EVC2: variants seen among roughly 807,000 people sequenced by gnomAD.
EVC2 encodes the protein limbin.
EVC2 carries 148 observed loss-of-function variants against 149.3 expected under a neutral mutation model. The ratio of observed to expected loss-of-function variants is 0.99; its 90% CI spans 0.87 to 1.14. EVC2 has a LOEUF of 1.14. Ranked by LOEUF, EVC2 falls within the 50% of genes most tolerant of loss-of-function variation. EVC2 has a pLI of 0.00. For missense variants in EVC2, 1,854 were observed against 1,627.3 expected (o/e 1.14, Z -2.40); for synonymous variants, 776 against 649.9 (o/e 1.19, Z -2.95).
At chr4:5,556,021 T>A (rs1302979828) in intron 21 of EVC2, among the ~76,000 whole-genome samples, 1 of 151,130 alleles carries the variant, frequency 6.6e-6, no homozygotes, top group Non-Finnish European at 1.5e-5. Flanking sequence ...CTACTAAAAA[T>A]ACAAAAAATT....
rs115125305 is a variant in EVC2 at position 5,623,340 on chromosome 4, T to C, written c.2047-349A>G. ...AAACTAATTTATTTTATTTATTTAT[T>C]TTTTTTATTTTTTTTTTGAGACAGG... On this transcript the variant is annotated intron_variant, in intron 13 of 21. Coordinates refer to ENST00000344408, the MANE Select transcript of EVC2 (RefSeq NM_147127.5). Among the ~76,000 whole-genome samples the C allele has an allele frequency of 3.6e-3, 521 of 143,342 alleles. 3 individuals carry two copies. The highest frequency in any genetic ancestry group is 0.015 in the African/African-American group (502 of 34,366). The allele number at this position is 143,342 out of a possible 152,430, so 94.0% of individuals were successfully genotyped here. A position where few individuals can be genotyped will look rare whatever the true frequency, so the allele number is the denominator to read the frequency against.
chr4:5,597,059 C>A (rs947825919), intron 16 of EVC2, among the ~76,000 whole-genome samples: 3 of 152,134 alleles, frequency 2.0e-5, no homozygotes, highest in African/African-American at 7.2e-5. Context: ...GGCTCTGAAA[C>A]TGTGGCAATA....
Position 5,637,152 on chromosome 4 carries a change from C to T in EVC2, c.1470+3362G>A, listed in dbSNP as rs141969286. On this transcript the variant is annotated intron_variant, in intron 10 of 21. Transcript: ENST00000344408. The surrounding 1 kb of genome is among the most constrained non-coding windows in gnomAD (Gnocchi z 4.4). ...TGCGTGACAGATGGGAGTAGGGCAC[C>T]GACCCAGCATCCTATCCTCATGCTC... is the stretch of plus-strand genomic sequence containing the variant. Among the ~76,000 whole-genome samples the T allele has an allele frequency of 7.2e-4, 110 of 152,196 alleles. No homozygotes were observed. Among genetic ancestry groups the T allele is most frequent in the African/African-American group, 2.5e-3 (104 of 41,540 alleles).
Position 5,663,932 on chromosome 4 carries a change from G to T in EVC2, c.1006-686C>A, listed in dbSNP as rs370449191. On this transcript the variant is annotated intron_variant, in intron 8 of 21. Transcript: ENST00000344408. ...TGAGACTCTGTCTCAAAAAAATAAA[G>T]AAAGAAAGAAAGAATATAGGATTGT... 1.4e-4 allele frequency among the ~76,000 whole-genome samples: 21 copies of T among 151,890 alleles called. No homozygotes were observed. The South Asian group carries it at 2.5e-3, about 18-fold the overall frequency.
downstream of EVC2, among the ~76,000 whole-genome samples, chr4:5,557,646 T>C (rs530167898): frequency 1.2e-3 from 179 of 152,242 alleles, no homozygotes; most frequent in African/African-American, 4.1e-3. Flanking sequence ...ATTGTCTATA[T>C]AGAACATCTC....
At chr4:5,603,798 G>A (rs1714181640) in intron 16 of EVC2, among the ~76,000 whole-genome samples, 1 of 152,192 alleles carries the variant, frequency 6.6e-6, no homozygotes, top group African/African-American at 2.4e-5. Context: ...GAAATAACGG[G>A]TGAAGAGGAA....
chr4:5,658,237 T>G (rs1718656492), intron 9 of EVC2, among the ~76,000 whole-genome samples: 1 of 152,134 alleles, frequency 6.6e-6, no homozygotes, highest in Admixed American at 6.5e-5. Flanking sequence ...GATTCATCAA[T>G]CCATTAATTA....
chr4:5,652,336 T>A (rs1342861225), intron 9 of EVC2, among the ~76,000 whole-genome samples: 1 of 147,390 alleles, frequency 6.8e-6, no homozygotes, highest in Admixed American at 6.7e-5. Context: ...GTAAACACCA[T>A]GTTTACCACA....
chr4:5,574,352 T>C (rs1043513264), intron 19 of EVC2, among the ~76,000 whole-genome samples: 4 of 152,228 alleles, frequency 2.6e-5, no homozygotes, highest in Non-Finnish European at 5.9e-5. Flanking sequence ...GGCCCAGTTT[T>C]CTCTTACCCA....
Position 5,708,298 on chromosome 4 carries a change from C to T in EVC2, c.216G>A (p.Glu72=), listed in dbSNP as rs1478999602. 5.4e-6 allele frequency: 8 copies of T among 1,472,228 alleles called. No homozygotes were observed. The highest frequency in any genetic ancestry group is 4.7e-5 in the Admixed American group (2 of 42,710). The allele number at this position is 1,472,228 out of a possible 1,614,324, so 91.2% of individuals were successfully genotyped here. The change falls in exon 1 of 22, where the codon GAG becomes GAA. Residue 72 remains glutamate (E), a synonymous_variant. Coordinates refer to ENST00000344408, the MANE Select transcript of EVC2 (RefSeq NM_147127.5). ...GGGCCCTCCTTACCTGCGTGCTGCTCTCGGGCCCCGCCCCGCTCCGCCCCG... is the reference window on the plus strand; with the variant it reads ...GGGCCCTCCTTACCTGCGTGCTGCTTTCGGGCCCCGCCCCGCTCCGCCCCG... The part of the protein sequence containing the change: ...IPPGRSGAGP[E]SSTQDLPCMI...
rs932968813 is a variant in EVC2, at chr4:5,678,806, G to A, written c.870+2454C>T. On this transcript the variant is annotated intron_variant, in intron 7 of 21. Coordinates refer to ENST00000344408, the MANE Select transcript of EVC2 (RefSeq NM_147127.5). ...AGCACTTTGGGAGGCCGAGGTGGCC[G>A]GATCACTTGAGGTCAGGAGTTCAAG... is the stretch of plus-strand genomic sequence containing the variant. Among the ~76,000 whole-genome samples, 157 of 152,250 alleles carry A rather than the reference G, an allele frequency of 1.0e-3. 1 individual carries two copies. Among genetic ancestry groups the A allele is most frequent in the African/African-American group, 3.2e-3 (135 of 41,544 alleles).
intron 12 of EVC2, among the ~76,000 whole-genome samples, chr4:5,626,587 G>A (rs1452570864): frequency 6.6e-6 from 1 of 152,092 alleles, no homozygotes; most frequent in Non-Finnish European, 1.5e-5. Context: ...ACCCGCCTCG[G>A]CCTTCCAAAG....
At position 5,614,165 on chromosome 4, in the gene EVC2, G is replaced by C. The variant is rs866289220; in HGVS notation, c.2829+1257C>G. ...TCTACTCTTAAGCAGCACCTTTGCA[G>C]AGGAGACCCTGCCTCCTCTCCTACC... On this transcript the variant is annotated intron_variant, in intron 16 of 21. Transcript: ENST00000344408. This position sits in a 1 kb window ranked among gnomAD's most constrained non-coding sequence, Gnocchi z 4.7. 1.3e-5 allele frequency among the ~76,000 whole-genome samples: 2 copies of C among 152,198 alleles called. No homozygotes were observed. Among genetic ancestry groups the C allele is most frequent in the African/African-American group, 4.8e-5 (2 of 41,444 alleles).
At chr4:5,704,869 C>CTATATATATA (rs145021587) in intron 1 of EVC2, among the ~76,000 whole-genome samples, 193 of 150,016 alleles carry the variant, frequency 1.3e-3, no homozygotes, top group East Asian at 2.6e-3. Context: ...TCACACACAG[C>CTATATATATA]TATATATATA....
chr4:5,697,935 T>C (rs1458313581), intron 1 of EVC2, among the ~76,000 whole-genome samples: 1 of 151,890 alleles, frequency 6.6e-6, no homozygotes, highest in Admixed American at 6.6e-5. Context: ...GTATTTTTAG[T>C]AGAGACGGGG....
intron 10 of EVC2, among the ~76,000 whole-genome samples, chr4:5,639,621 T>A (rs1021499662): frequency 7.9e-5 from 12 of 152,188 alleles, no homozygotes; most frequent in African/African-American, 2.7e-4. Flanking sequence ...GGAGCAGAGA[T>A]GGAATGTACT....
At chr4:5,570,112 G>A in intron 19 of EVC2, among the ~76,000 whole-genome samples, 1 of 152,140 alleles carries the variant, frequency 6.6e-6, no homozygotes, top group Non-Finnish European at 1.5e-5. Flanking sequence ...AACCAACTCT[G>A]CTGTAACTGT....
At chr4:5,704,174 C>A (rs943278129) in intron 1 of EVC2, among the ~76,000 whole-genome samples, 9 of 152,110 alleles carry the variant, frequency 5.9e-5, no homozygotes, top group African/African-American at 2.2e-4. Flanking sequence ...AGGGGAGATG[C>A]AAGGAGGTCA....
At chr4:5,593,670 C>T (rs896662805) in intron 16 of EVC2, among the ~76,000 whole-genome samples, 2 of 152,160 alleles carry the variant, frequency 1.3e-5, no homozygotes, top group Non-Finnish European at 2.9e-5. Flanking sequence ...TCTGCATTTC[C>T]ATCTGAGGTA....
Sources: allele counts gnomAD v4.1 joint callset (sites outside exome capture counted in the v4.1 genomes callset), GRCh38; gene constraint gnomAD v4.1.1; non-coding constraint Gnocchi (gnomAD v3.1); transcripts MANE v1.5; gene names NCBI Gene and HGNC (gene_info 2026-07-23, HGNC 2026-07-21).